The following PIK3C2G variants were observed in gnomAD, a reference collection of about 807,000 sequenced individuals.
PIK3C2G encodes phosphatidylinositol-4-phosphate 3-kinase catalytic subunit type 2 gamma.
A neutral mutation model predicts 181.1 loss-of-function variants in PIK3C2G; 168 were observed. The observed-to-expected ratio is 0.93, with a 90% CI of 0.82 to 1.05. The LOEUF (loss-of-function observed/expected upper bound fraction) is 1.05, where lower values mean the gene tolerates loss of function less well. Ranked by LOEUF, PIK3C2G falls within the 50% of genes least tolerant of loss-of-function variation. The pLI is 0.00. For missense variants in PIK3C2G, 1,869 were observed against 1,732.8 expected, an observed-to-expected ratio of 1.08 and a Z score of -1.40; for synonymous variants, 573 against 592.2, an observed-to-expected ratio of 0.97 and a Z score of 0.47.
At chr12:18,445,352 G>C (rs1946967541) in intron 18 of PIK3C2G, among the ~76,000 whole-genome samples, 1 of 151,636 alleles carries the variant, frequency 6.6e-6, no homozygotes, top group Non-Finnish European at 1.5e-5. Context: ...TTAAACACAA[G>C]AATTGGTATT....
intron 18 of PIK3C2G, among the ~76,000 whole-genome samples, chr12:18,447,151 C>A (rs557766586): frequency 6.6e-6 from 1 of 152,090 alleles, no homozygotes; most frequent in Non-Finnish European, 1.5e-5. Context: ...CTATTTGGTT[C>A]GTGTGTTAGA....
At chr12:18,289,116 A>G (rs1390375507) in intron 3 of PIK3C2G, among the ~76,000 whole-genome samples, 1 of 152,188 alleles carries the variant, frequency 6.6e-6, no homozygotes, top group African/African-American at 2.4e-5. Context: ...ACACAACAGG[A>G]TATTTACTCA....
intron 14 of PIK3C2G, among the ~76,000 whole-genome samples, chr12:18,388,753 T>C (rs1005061580): frequency 6.6e-6 from 1 of 152,052 alleles, no homozygotes; most frequent in Admixed American, 6.6e-5. Flanking sequence ...GAAGCCATAG[T>C]AGAAATCATG....
chr12:18,359,750 A>G (rs962235431), intron 11 of PIK3C2G, among the ~76,000 whole-genome samples: 2 of 152,060 alleles, frequency 1.3e-5, no homozygotes, highest in Non-Finnish European at 2.9e-5. Flanking sequence ...CTTGACTTTC[A>G]TGGTGTAAGA....
intron 3 of PIK3C2G, among the ~76,000 whole-genome samples, chr12:18,289,795 A>T (rs1369055360): frequency 6.6e-6 from 1 of 152,184 alleles, no homozygotes; most frequent in Non-Finnish European, 1.5e-5. Context: ...CTTTAGTGCT[A>T]CAAAAATAGC....
intron 24 of PIK3C2G, among the ~76,000 whole-genome samples, chr12:18,527,383 G>T (rs1057227642): frequency 1.3e-5 from 2 of 152,158 alleles, no homozygotes. Context: ...TTTATTAAGA[G>T]ATAATATGCA....
At chr12:18,422,857 A>C (rs1354730642) in intron 17 of PIK3C2G, among the ~76,000 whole-genome samples, 1 of 152,142 alleles carries the variant, frequency 6.6e-6, no homozygotes, top group Non-Finnish European at 1.5e-5. Flanking sequence ...TAGTCAGTCC[A>C]GCAGTAGCAC....
chr12:18,618,112 TTTTC>T (rs1223451836), intron 31 of PIK3C2G, among the ~76,000 whole-genome samples: 2 of 152,196 alleles, frequency 1.3e-5, no homozygotes, highest in Non-Finnish European at 2.9e-5. Flanking sequence ...CTACTTTTTT[TTTTC>T]TTTTTTAACT....
intron 5 of PIK3C2G, among the ~76,000 whole-genome samples, chr12:18,303,186 TTC>T (rs1156396592): frequency 1.3e-4 from 19 of 150,442 alleles, no homozygotes; most frequent in African/African-American, 4.2e-4. Context: ...TTTCTCTCTC[TTC>T]TTTCTTTCTT....
chr12:18,570,543 G>A (rs961983817), intron 29 of PIK3C2G, among the ~76,000 whole-genome samples: 1 of 150,048 alleles, frequency 6.7e-6, no homozygotes, highest in Non-Finnish European at 1.5e-5. Context: ...ACACACTCAA[G>A]CAGCAAGTAG....
At chr12:18,515,437 GATTTAATCTTGGTATATT>G (rs1391677842) in intron 24 of PIK3C2G, among the ~76,000 whole-genome samples, 1 of 151,832 alleles carries the variant, frequency 6.6e-6, no homozygotes, top group Non-Finnish European at 1.5e-5. Context: ...ATTTCTTCAT[GATTTAATCTTGGTATATT>G]ATATGTATCC....
chr12:18,298,596 A>G (rs1328867880), intron 5 of PIK3C2G, among the ~76,000 whole-genome samples: 1 of 151,392 alleles, frequency 6.6e-6, no homozygotes, highest in Non-Finnish European at 1.5e-5. Flanking sequence ...TGTGCTTTTG[A>G]GGTATTAGCC....
intron 1 of PIK3C2G, among the ~76,000 whole-genome samples, chr12:18,249,842 A>T (rs1948078277): frequency 6.6e-6 from 1 of 152,100 alleles, no homozygotes; most frequent in South Asian, 2.1e-4. Flanking sequence ...AAATTTCAGA[A>T]ATAAAACTGT....
chr12:18,252,993 C>G (rs1217078040), intron 1 of PIK3C2G, among the ~76,000 whole-genome samples: 1 of 152,078 alleles, frequency 6.6e-6, no homozygotes, highest in Admixed American at 6.6e-5. Context: ...GAAACTTTCC[C>G]TGAGATGATG....
chr12:18,538,791 G>C (rs1320073869), intron 25 of PIK3C2G, among the ~76,000 whole-genome samples: 1 of 151,902 alleles, frequency 6.6e-6, no homozygotes. Context: ...TGGAAAGTGA[G>C]TTGCTAGCAA....
intron 16 of PIK3C2G, among the ~76,000 whole-genome samples, chr12:18,418,972 C>A (rs11044095): frequency 6.6e-6 from 1 of 151,892 alleles, no homozygotes; most frequent in East Asian, 1.9e-4. Flanking sequence ...AAAATATTAC[C>A]TTTAACATTT....
chr12:18,683,715 G>A, the PIK3C2G span: 1 of 997,930 alleles, frequency 1.0e-6, no homozygotes, highest in Non-Finnish European at 1.4e-6. Flanking sequence ...GCAACATAAA[G>A]GTAGTCAGCC....
Position 18,353,480 on chromosome 12 carries a change from T to G in PIK3C2G, c.1625+6644T>G, listed in dbSNP as rs182752102. 5.9e-3 allele frequency among the ~76,000 whole-genome samples: 902 copies of G among 152,312 alleles called. 4 individuals are homozygous for G. Among genetic ancestry groups the G allele is most frequent in the Non-Finnish European group, 0.011 (766 of 68,020 alleles). On this transcript the variant is annotated intron_variant, in intron 11 of 32. Coordinates refer to ENST00000538779, the MANE Select transcript of PIK3C2G (RefSeq NM_001288772.2). ...CTTTGGTGAAAGAAATTAAACCTTGTGTGGGAGCAGTTAAACTTTATAAGA... is the reference window on the plus strand; with the variant it reads ...CTTTGGTGAAAGAAATTAAACCTTGGGTGGGAGCAGTTAAACTTTATAAGA...
At chr12:18,527,328 T>C (rs1357452654) in intron 24 of PIK3C2G, among the ~76,000 whole-genome samples, 2 of 152,156 alleles carry the variant, frequency 1.3e-5, no homozygotes, top group African/African-American at 4.8e-5. Context: ...ACTAAAGAAA[T>C]AGTGCCCCAC....
Sources: gnomAD v4.1 joint callset for allele counts (sites outside exome capture counted in the v4.1 genomes callset) on GRCh38, gnomAD v4.1.1 for gene constraint, MANE v1.5 for transcripts, NCBI Gene and HGNC (gene_info 2026-07-23, HGNC 2026-07-21) for gene names.